The following WNT9B variants were observed in gnomAD, a reference collection of about 807,000 sequenced individuals.
WNT9B encodes the protein Wnt family member 9B.
In WNT9B, 12 loss-of-function variants were observed where a neutral mutation model predicts 30.2. The observed-to-expected ratio is 0.40, with a 90% CI of 0.26 to 0.64. The LOEUF (loss-of-function observed/expected upper bound fraction) is 0.64, where lower values mean the gene tolerates loss of function less well. Ranked by LOEUF, WNT9B falls within the 30% of genes least tolerant of loss-of-function variation. The probability of loss-of-function intolerance (pLI) is 0.42; values close to 1 mark genes in which losing one functional copy is unlikely to be tolerated. For missense variants in WNT9B, 442 were observed against 485.2 expected (o/e 0.91, Z 0.84); for synonymous variants, 218 against 216.9 (o/e 1.01, Z -0.05).
chr17:46,880,040 T>A lies in WNT9B; in HGVS notation c.*3322T>A, dbSNP rs912546444. Among the ~76,000 whole-genome samples the A allele has an allele frequency of 4.6e-5, 7 of 152,242 alleles. No individual in the cohort carries two copies. Among genetic ancestry groups the A allele is most frequent in the Admixed American group, 4.6e-4 (7 of 15,286 alleles). On this transcript the variant is annotated 3_prime_UTR_variant, in exon 4 of 4. Transcript: ENST00000290015. Reference sequence around the variant, plus strand: ...CTTGTAAAAATGAATTGTTTTCCACTGGATTTCTGGCTGCTTTTGCAAAAG... The same window carrying A: ...CTTGTAAAAATGAATTGTTTTCCACAGGATTTCTGGCTGCTTTTGCAAAAG...
intron 1 of WNT9B, among the ~76,000 whole-genome samples, chr17:46,857,019 A>G (rs932225122): frequency 5.9e-5 from 9 of 152,208 alleles, no homozygotes; most frequent in African/African-American, 1.2e-4. Flanking sequence ...TTGTGAGTAT[A>G]TAGCCTCTTT....
intron 1 of WNT9B, among the ~76,000 whole-genome samples, chr17:46,858,520 G>A (rs7207797): frequency 3.3e-5 from 5 of 150,378 alleles, no homozygotes; most frequent in Non-Finnish European, 5.9e-5. Context: ...GATATCTTTC[G>A]GTCCTCCAGG....
chr17:46,834,664 C>A (rs115390880), intron 1 of WNT9B, among the ~76,000 whole-genome samples: 3,650 of 152,222 alleles, frequency 0.024, 127 homozygotes, highest in African/African-American at 0.079. Context: ...GCCTCCTCCC[C>A]TTCCCTGTCC....
chr17:46,875,602 A>T (rs2085332112), intron 3 of WNT9B, among the ~76,000 whole-genome samples: 1 of 152,240 alleles, frequency 6.6e-6, no homozygotes, highest in African/African-American at 2.4e-5. Flanking sequence ...CATTGGTGGA[A>T]GCAGTGGTCA....
intron 1 of WNT9B, among the ~76,000 whole-genome samples, chr17:46,853,611 G>T (rs2084892893): frequency 6.6e-6 from 1 of 151,914 alleles, no homozygotes. Context: ...ATCTCAATCT[G>T]CCCAACTCAG....
At chr17:46,872,322 G>A (rs539634265) in intron 1 of WNT9B, among the ~76,000 whole-genome samples, 195 bp from the exon 2 acceptor site, 13 of 152,352 alleles carry the variant, frequency 8.5e-5, no homozygotes, top group African/African-American at 3.1e-4. Flanking sequence ...TGGAAAACAG[G>A]TTTAAGGTCC....
At chr17:46,850,313 G>C (rs2084825850), upstream of WNT9B, among the ~76,000 whole-genome samples, 1 of 152,216 alleles carries the variant, frequency 6.6e-6, no homozygotes, top group Non-Finnish European at 1.5e-5. Context: ...AGGGCTGGCA[G>C]AGCTGTTAGG....
chr17:46,863,611 G>A (rs1354603118), intron 1 of WNT9B, among the ~76,000 whole-genome samples: 2 of 152,186 alleles, frequency 1.3e-5, no homozygotes, highest in Non-Finnish European at 2.9e-5. Context: ...TACTAGAGCT[G>A]TCTGGGACCT....
downstream of WNT9B, among the ~76,000 whole-genome samples, chr17:46,882,413 T>G (rs1329465551): frequency 6.6e-6 from 1 of 152,196 alleles, no homozygotes; most frequent in Non-Finnish European, 1.5e-5. Context: ...ATAAGCTGCT[T>G]GGGTGATGTG....
intron 1 of WNT9B, among the ~76,000 whole-genome samples, chr17:46,858,807 C>T (rs1464202906): frequency 6.6e-6 from 1 of 152,218 alleles, no homozygotes; most frequent in East Asian, 1.9e-4. Context: ...GCTGGGGCCA[C>T]AGGCATGCGC....
upstream of WNT9B, among the ~76,000 whole-genome samples, chr17:46,850,763 T>C (rs1003516716): frequency 7.9e-5 from 12 of 152,298 alleles, no homozygotes; most frequent in Admixed American, 3.3e-4. Flanking sequence ...AACAGAACTT[T>C]GGGGCCCAAC....
chr17:46,858,209 C>T lies in WNT9B; in HGVS notation c.77+6494C>T, dbSNP rs150054767. 4.8e-3 allele frequency among the ~76,000 whole-genome samples: 738 copies of T among 152,314 alleles called. 4 individuals are homozygous for T. The highest frequency in any genetic ancestry group is 0.017 in the African/African-American group (688 of 41,572). The stretch of plus-strand genomic sequence containing the variant: ...CCTCCCAAAGTGCTGGGATTACAGG[C>T]GTGAGCCACTTGGCCTAAGAGTTCT... On this transcript the variant is annotated intron_variant, in intron 1 of 3. Coordinates refer to ENST00000290015, the MANE Select transcript of WNT9B (RefSeq NM_003396.3).
intron 3 of WNT9B, among the ~76,000 whole-genome samples, 173 bp from the exon 4 acceptor site, chr17:46,876,072 C>T (rs73987098): frequency 1.7e-3 from 253 of 152,258 alleles, no homozygotes; most frequent in African/African-American, 5.7e-3. Context: ...TGTTCAGTCG[C>T]GTAAGTTGTC....
downstream of WNT9B, among the ~76,000 whole-genome samples, chr17:46,884,010 C>T (rs978603474): frequency 5.3e-5 from 8 of 152,212 alleles, no homozygotes; most frequent in East Asian, 1.9e-4. Context: ...ACCGTCCTCC[C>T]GCCATGGAGA....
Position 46,852,030 on chromosome 17 carries a change from C to T in WNT9B, c.77+315C>T, listed in dbSNP as rs1228777094. Among the ~76,000 whole-genome samples, 5 of 152,244 alleles carry T rather than the reference C, an allele frequency of 3.3e-5. No individual in the cohort carries two copies. The South Asian group carries it at 8.3e-4, about 25-fold the overall frequency. ...CGGACCCTGGCCCCGTCCGCCCCGG[C>T]CCCGCCCGTTCAGGCGTCAGTCCCG... is the stretch of plus-strand genomic sequence containing the variant. On this transcript the variant is annotated intron_variant, in intron 1 of 3. Transcript: ENST00000290015.
chr17:46,869,375 C>T (rs1295726821), intron 1 of WNT9B, among the ~76,000 whole-genome samples: 2 of 152,202 alleles, frequency 1.3e-5, no homozygotes, highest in Non-Finnish European at 2.9e-5. Flanking sequence ...GTTTGAGACC[C>T]ATTGCTCCCT....
chr17:46,833,501 T>G, intron 1 of WNT9B: 1 of 459,988 alleles, frequency 2.2e-6, no homozygotes, highest in South Asian at 1.5e-5. Flanking sequence ...GTCACCTCAC[T>G]GCCTGACTTC....
At chr17:46,864,421 G>A (rs1042710091) in intron 1 of WNT9B, among the ~76,000 whole-genome samples, 9 of 152,220 alleles carry the variant, frequency 5.9e-5, no homozygotes, top group Non-Finnish European at 7.4e-5. Context: ...TCAAGCACTG[G>A]TATTGTATCA....
intron 1 of WNT9B, among the ~76,000 whole-genome samples, chr17:46,840,023 CTTTCTTTCT>C (rs2084692656): frequency 1.9e-5 from 2 of 106,682 alleles, no homozygotes; most frequent in Non-Finnish European, 3.7e-5. Context: ...TTCTTTCTTT[CTTTCTTTCT>C]TTTCTTTCTT....
Sources: allele counts gnomAD v4.1 joint callset (sites outside exome capture counted in the v4.1 genomes callset), GRCh38; gene constraint gnomAD v4.1.1; transcripts MANE v1.5; gene names NCBI Gene and HGNC (gene_info 2026-07-23, HGNC 2026-07-21).